The following PAN3 variants were observed in gnomAD, a reference collection of about 807,000 sequenced individuals.
PAN3 encodes poly(A) specific ribonuclease subunit PAN3.
PAN3 carries 19 observed loss-of-function variants against 96.2 expected under a neutral mutation model. That is an observed-to-expected ratio of 0.20 (90% CI 0.14 to 0.29). The LOEUF (loss-of-function observed/expected upper bound fraction) is 0.29, where lower values mean the gene tolerates loss of function less well. PAN3 is among the 10% of genes least tolerant of loss of function. The probability of loss-of-function intolerance (pLI) is 1.00; values close to 1 mark genes in which losing one functional copy is unlikely to be tolerated. For missense variants in PAN3, 882 were observed against 1,108.1 expected (o/e 0.80, Z 2.90); for synonymous variants, 433 against 406.6 (o/e 1.06, Z -0.78).
At chr13:28,203,036 C>T (rs1878926188) in intron 5 of PAN3, among the ~76,000 whole-genome samples, 2 of 151,736 alleles carry the variant, frequency 1.3e-5, no homozygotes, top group Admixed American at 6.6e-5. Context: ...AGTCTTGGCT[C>T]ACTGCAACCT....
chr13:28,139,161 C>T (rs1381963870), intron 1 of PAN3, 74 bp downstream of exon 1: 8 of 1,240,178 alleles, frequency 6.5e-6, no homozygotes, highest in East Asian at 3.2e-5. Context: ...CTGCTGCCGA[C>T]GGGAGCTGAG....
chr13:28,138,434 TGA>T (rs1209573398), upstream of PAN3: 6 of 301,062 alleles, frequency 2.0e-5, no homozygotes, highest in African/African-American at 9.0e-5. Context: ...AGAGAGTGAG[TGA>T]GAGAATCCCA....
intron 17 of PAN3, 146 bp downstream of exon 17, chr13:28,281,525 A>G (rs955840450): frequency 1.9e-5 from 14 of 734,260 alleles, no homozygotes; most frequent in Admixed American, 1.4e-4. Context: ...TTAAGGTGCT[A>G]TTTTTAACAA....
At chr13:28,243,824 G>A (rs1883906974) in intron 6 of PAN3, among the ~76,000 whole-genome samples, 1 of 152,200 alleles carries the variant, frequency 6.6e-6, no homozygotes, top group Non-Finnish European at 1.5e-5. Flanking sequence ...GAGTAGCTGG[G>A]ATTACAGGTG....
chr13:28,247,974 A>G (rs114140021), intron 6 of PAN3, among the ~76,000 whole-genome samples: 2,875 of 152,236 alleles, frequency 0.019, 99 homozygotes, highest in African/African-American at 0.066. Flanking sequence ...TGATATTTTG[A>G]TAGACTGTGT....
chr13:28,187,601 G>A (rs1012244441), intron 4 of PAN3, among the ~76,000 whole-genome samples: 1 of 152,182 alleles, frequency 6.6e-6, no homozygotes, highest in African/African-American at 2.4e-5. Context: ...AAATTACTAT[G>A]TAGATAATGT....
intron 1 of PAN3, among the ~76,000 whole-genome samples, chr13:28,165,958 T>C (rs1463062727): frequency 4.6e-5 from 7 of 152,180 alleles, no homozygotes; most frequent in East Asian, 1.9e-4. Flanking sequence ...TACTATCACA[T>C]TGATAAGTTT....
At chr13:28,196,224 A>G (rs1878039457) in intron 4 of PAN3, among the ~76,000 whole-genome samples, 1 of 152,064 alleles carries the variant, frequency 6.6e-6, no homozygotes, top group Admixed American at 6.5e-5. Context: ...CTCATGACAG[A>G]ACAATGAGTA....
In PAN3 at chr13:28,151,299, A is replaced by G. The variant is rs369861648; in HGVS notation, c.430+12212A>G. On this transcript the variant is annotated intron_variant, in intron 1 of 18. Transcript: ENST00000380958. Reference sequence around the variant, plus strand: ...GGGAGGCCGAGGTGGGCAGATCACCAGGTCAGGAGATCAAGACCATCCTGG... The same window carrying G: ...GGGAGGCCGAGGTGGGCAGATCACCGGGTCAGGAGATCAAGACCATCCTGG... Among the ~76,000 whole-genome samples, 8 of 152,262 alleles carry G rather than the reference A, an allele frequency of 5.3e-5. No individual in the cohort carries two copies. In the South Asian group the frequency reaches 1.5e-3, roughly 28 times the overall value.
chr13:28,215,467 G>T, intron 5 of PAN3: 1 of 692,174 alleles, frequency 1.4e-6, no homozygotes, highest in Non-Finnish European at 2.7e-6. Context: ...TGTCAAAGAT[G>T]TTCGTTGGGG....
intron 5 of PAN3, among the ~76,000 whole-genome samples, chr13:28,210,842 C>T (rs1879941691): frequency 6.6e-6 from 1 of 152,142 alleles, no homozygotes; most frequent in Non-Finnish European, 1.5e-5. Flanking sequence ...TCCTGTGTTG[C>T]TTGTTAACAC....
intron 1 of PAN3, among the ~76,000 whole-genome samples, chr13:28,155,907 G>A (rs1377345855): frequency 1.3e-5 from 2 of 152,162 alleles, no homozygotes; most frequent in Non-Finnish European, 2.9e-5. Context: ...GTAGTCATCT[G>A]ATGTGGTTAG....
At chr13:28,194,211 T>G (rs1877685826) in intron 4 of PAN3, among the ~76,000 whole-genome samples, 1 of 151,420 alleles carries the variant, frequency 6.6e-6, no homozygotes, top group Admixed American at 6.6e-5. Context: ...TTGTGAAGGA[T>G]CTGAATTACG....
chr13:28,139,070 A>T lies in PAN3; in HGVS notation c.413A>T (p.Asp138Val). The T allele has an allele frequency of 7.9e-7, 1 of 1,266,186 alleles. No individual in the cohort carries two copies. The highest frequency in any genetic ancestry group is 9.9e-7 in the Non-Finnish European group (1 of 1,007,354). The allele number at this position is 1,266,186 out of a possible 1,614,324, so 78.4% of individuals were successfully genotyped here. The change falls in exon 1 of 19, where the codon GAT becomes GTT. Residue 138 changes from aspartate (D) to valine (V), a missense_variant. Physicochemically the swap from Asp to Val is radical, Grantham distance 152 (BLOSUM62 -3). Around this residue, in one of 3 missense-constraint regions of PAN3, gnomAD observed 442 missense variants for 422.8 expected, o/e 1.05. Coordinates refer to ENST00000380958, the MANE Select transcript of PAN3 (RefSeq NM_175854.8). ...GGAGGAGGCAGTAGCGGGGGACTCG[A>T]TGGACCGCGGCTGGCAAGTGAGTGT... ...AGGGGSSGGL[D>V]GPRLAIPGMD...
At chr13:28,287,440 C>T (rs900032299) in intron 17 of PAN3, among the ~76,000 whole-genome samples, 1 of 152,096 alleles carries the variant, frequency 6.6e-6, no homozygotes, top group Non-Finnish European at 1.5e-5. Context: ...TATGCAGTTA[C>T]AGCTTTCTTT....
chr13:28,139,553 G>GTGTGTGTGTGTGT (rs1869380395), intron 1 of PAN3, among the ~76,000 whole-genome samples: 1 of 94,930 alleles, frequency 1.1e-5, no homozygotes, highest in African/African-American at 6.0e-5. Context: ...TGTGTGTGTA[G>GTGTGTGTGTGTGT]GGGGCGGGAG....
At chr13:28,223,485 T>C (rs1228725709) in intron 6 of PAN3, among the ~76,000 whole-genome samples, 1 of 152,184 alleles carries the variant, frequency 6.6e-6, no homozygotes, top group Non-Finnish European at 1.5e-5. Flanking sequence ...TAGACATTTT[T>C]CTCTGGCAAC....
rs1435886006 is a variant in PAN3, at chr13:28,141,012, T to TTATTTTA, written c.430+1926_430+1927insATTTTAT. On this transcript the variant is annotated intron_variant, in intron 1 of 18. Transcript: ENST00000380958. ...CTGACAGAAAGAGACACTTTTTTTT[T>TTATTTTA]TTTTTTTTTTGAGACGGAGGCTTGC... 2.0e-5 allele frequency among the ~76,000 whole-genome samples: 3 copies of TTATTTTA among 148,690 alleles called. No individual in the cohort carries two copies. In the East Asian group the frequency reaches 5.9e-4, roughly 29 times the overall value.
chr13:28,246,634 A>AAGAAAGTCTTCTTTCTATC (rs1884223294), intron 6 of PAN3, among the ~76,000 whole-genome samples: 1 of 152,064 alleles, frequency 6.6e-6, no homozygotes, highest in African/African-American at 2.4e-5. Context: ...TCTCTATGAG[A>AAGAAAGTCTTCTTTCTATC]TCTACTTTCT....
Sources: allele counts gnomAD v4.1 joint callset (sites outside exome capture counted in the v4.1 genomes callset), GRCh38; gene constraint gnomAD v4.1.1; regional missense constraint gnomAD v4.1.1; transcripts MANE v1.5; gene names NCBI Gene and HGNC (gene_info 2026-07-23, HGNC 2026-07-21).